ARHGEF10: variants seen among roughly 807,000 people sequenced by gnomAD.
ARHGEF10 encodes the protein Rho guanine nucleotide exchange factor 10.
In ARHGEF10, 140 loss-of-function variants were observed where a neutral mutation model predicts 147.4. The observed-to-expected ratio is 0.95, with a 90% CI of 0.83 to 1.09. ARHGEF10 has a LOEUF of 1.09. Among genes scored for constraint, ARHGEF10 ranks in the 50% least tolerant of loss-of-function variants. The pLI, the probability that ARHGEF10 is intolerant of heterozygous loss-of-function variation, is 0.00. For synonymous variants in ARHGEF10, 902 were observed against 695.8 expected, an observed-to-expected ratio of 1.30 and a Z score of -4.67; for missense variants, 2,222 against 1,752.7, an observed-to-expected ratio of 1.27 and a Z score of -4.78.
intron 18 of ARHGEF10, among the ~76,000 whole-genome samples, chr8:1,922,707 A>G (rs1010723810): frequency 1.3e-5 from 2 of 152,174 alleles, no homozygotes; most frequent in Non-Finnish European, 2.9e-5. Flanking sequence ...CTTGCGTCAG[A>G]TGTTATCCTC....
At position 1,957,535 on chromosome 8, in the gene ARHGEF10, A is replaced by G; in HGVS notation, c.*272A>G. 5.3e-6 allele frequency: 3 copies of G among 560,888 alleles called. No homozygotes were observed. The highest frequency in any genetic ancestry group is 3.1e-5 in the East Asian group (1 of 32,646). 34.7% of individuals were successfully genotyped at this position (560,888 alleles called of 1,614,324 possible). On this transcript the variant is annotated 3_prime_UTR_variant, in exon 29 of 29. Transcript: ENST00000349830. The stretch of plus-strand genomic sequence containing the variant: ...GAGTGCAGTTCTGGGAAAATACCAC[A>G]TTCTTTTTGACTGCTGTAGTCCATA...
At chr8:1,907,847 G>C (rs1390305027) in intron 17 of ARHGEF10, among the ~76,000 whole-genome samples, 1 of 152,198 alleles carries the variant, frequency 6.6e-6, no homozygotes, top group Non-Finnish European at 1.5e-5. Context: ...AGATGAGAAT[G>C]CATTTTGTTT....
rs1281665679 is a variant in ARHGEF10, at chr8:1,826,227, CT to C, written c.-48+2119del. On this transcript the variant is annotated intron_variant, in intron 1 of 28. Transcript: ENST00000349830. ...TGAAGTTAAAAGTTATTCAGAATAG[CT>C]TTTTATGTTTTTAAAAGTTGATGCT... The C allele has an allele frequency of 5.8e-6, 7 of 1,199,796 alleles. No homozygotes were observed. In the Admixed American group the frequency reaches 8.1e-5, roughly 14 times the overall value. 74.3% of individuals were successfully genotyped at this position (1,199,796 alleles called of 1,614,324 possible).
At chr8:1,868,259 G>A (rs1806783879) in intron 6 of ARHGEF10, among the ~76,000 whole-genome samples, 1 of 152,178 alleles carries the variant, frequency 6.6e-6, no homozygotes, top group South Asian at 2.1e-4. Flanking sequence ...GACAGGAGTG[G>A]TGGCTGGATG....
chr8:1,879,953 A>G (rs1031869681), intron 8 of ARHGEF10, 95 bp from the exon 9 acceptor site: 2 of 883,222 alleles, frequency 2.3e-6, no homozygotes, highest in African/African-American at 3.3e-5. Flanking sequence ...CTGATGTGCC[A>G]CTGCAGACGC....
At chr8:1,900,467 C>G (rs1199431718) in intron 15 of ARHGEF10, among the ~76,000 whole-genome samples, 2 of 152,140 alleles carry the variant, frequency 1.3e-5, no homozygotes, top group African/African-American at 4.8e-5. Flanking sequence ...TGCTGGGATT[C>G]TAACACAGTT....
chr8:1,906,999 T>C (rs921896789), intron 17 of ARHGEF10, among the ~76,000 whole-genome samples: 1 of 152,240 alleles, frequency 6.6e-6, no homozygotes, highest in East Asian at 1.9e-4. Context: ...TGTGGACGCC[T>C]GGCGACAGCC....
At chr8:1,895,279 G>T (rs146812665) in intron 13 of ARHGEF10, among the ~76,000 whole-genome samples, 1 of 152,232 alleles carries the variant, frequency 6.6e-6, no homozygotes, top group Non-Finnish European at 1.5e-5. Context: ...CTACCTAGAT[G>T]TAGAGGATTA....
At chr8:1,878,191 C>T (rs548134328) in intron 8 of ARHGEF10, among the ~76,000 whole-genome samples, 15 of 112,442 alleles carry the variant, frequency 1.3e-4, no homozygotes, top group African/African-American at 3.8e-4. Context: ...TGTAGTTTTT[C>T]GGGTTTTTTT....
chr8:1,956,727 G>C (rs1815595990), intron 28 of ARHGEF10, 22 bp from the exon 29 acceptor site: 3 of 1,613,438 alleles, frequency 1.9e-6, no homozygotes, highest in Admixed American at 3.3e-5. Flanking sequence ...AAAGACAGCT[G>C]TTGAACTGTT....
chr8:1,930,940 C>G (rs1813090023), intron 25 of ARHGEF10, among the ~76,000 whole-genome samples: 1 of 152,244 alleles, frequency 6.6e-6, no homozygotes, highest in South Asian at 2.1e-4. Flanking sequence ...CTCTGGTTGC[C>G]TCCCTCTCAT....
chr8:1,876,626 G>A lies in ARHGEF10; in HGVS notation c.735G>A (p.Leu245=), dbSNP rs148131631. 4 of 1,614,198 alleles carry A rather than the reference G, an allele frequency of 2.5e-6. No homozygotes were observed. In the Admixed American group the frequency reaches 6.7e-5, roughly 27 times the overall value. The change falls in exon 8 of 29, where the codon TTG becomes TTA. Residue 245 remains leucine, a synonymous_variant. Transcript: ENST00000349830. ...GGGATGAAGGTGGAAACAGCTCCTT[G>A]GAATACGGATGGAGTTCGAGTGAAT... is the stretch of plus-strand genomic sequence containing the variant. ...ENGDEGGNSS[L]EYGWSSSEFE...
chr8:1,862,461 C>T (rs1330504754), intron 4 of ARHGEF10, among the ~76,000 whole-genome samples: 2 of 152,258 alleles, frequency 1.3e-5, no homozygotes, highest in East Asian at 1.9e-4. Flanking sequence ...CCTCTGGGTG[C>T]GCTGCTGCTC....
In ARHGEF10 at chr8:1,946,386, C is replaced by T. The variant is rs571952985; in HGVS notation, c.3397+731C>T. Reference sequence around the variant, plus strand: ...CACACGCCACAGACGGGCTGGCTTACAAGCCAGAGAGGCTGCCCCTCCGCG... The same window carrying T: ...CACACGCCACAGACGGGCTGGCTTATAAGCCAGAGAGGCTGCCCCTCCGCG... On this transcript the variant is annotated intron_variant, in intron 27 of 28. Coordinates refer to ENST00000349830, the MANE Select transcript of ARHGEF10 (RefSeq NM_014629.4). 5.3e-5 allele frequency among the ~76,000 whole-genome samples: 8 copies of T among 152,352 alleles called. No homozygotes were observed. In the East Asian group the frequency reaches 1.6e-3, roughly 30 times the overall value.
intron 11 of ARHGEF10, among the ~76,000 whole-genome samples, chr8:1,887,063 G>A (rs1006578839): frequency 1.3e-5 from 2 of 152,146 alleles, no homozygotes; most frequent in African/African-American, 4.8e-5. Context: ...CCTATGAGGC[G>A]CTCAATAGGA....
chr8:1,907,365 A>C (rs1810980369), intron 17 of ARHGEF10, among the ~76,000 whole-genome samples: 1 of 152,212 alleles, frequency 6.6e-6, no homozygotes, highest in African/African-American at 2.4e-5. Flanking sequence ...GTTGGCCCAC[A>C]CGATGTGTCA....
chr8:1,866,890 G>T (rs922084386), intron 6 of ARHGEF10, among the ~76,000 whole-genome samples: 57 of 152,134 alleles, frequency 3.7e-4, no homozygotes, highest in African/African-American at 1.3e-3. Context: ...AGATATGTGG[G>T]TAACAGAAAC....
chr8:1,842,622 G>C (rs1216641432), intron 1 of ARHGEF10, among the ~76,000 whole-genome samples: 2 of 152,230 alleles, frequency 1.3e-5, no homozygotes, highest in Non-Finnish European at 2.9e-5. Context: ...CCCTGGCACT[G>C]GAGCCGAGGC....
intron 2 of ARHGEF10, among the ~76,000 whole-genome samples, chr8:1,853,358 G>C: frequency 6.6e-6 from 1 of 152,252 alleles, no homozygotes. Context: ...CTGGGCCATG[G>C]TGTGTCCAGC....
Sources: allele counts gnomAD v4.1 joint callset (sites outside exome capture counted in the v4.1 genomes callset), GRCh38; gene constraint gnomAD v4.1.1; transcripts MANE v1.5; gene names NCBI Gene and HGNC (gene_info 2026-07-23, HGNC 2026-07-21).